Variants in LRP1 observed in about 807,000 individuals in gnomAD.
The protein encoded by LRP1 is prolow-density lipoprotein receptor-related protein 1.
A neutral mutation model predicts 541.5 loss-of-function variants in LRP1; 51 were observed. That is an observed-to-expected ratio of 0.09 (90% CI 0.08 to 0.12). The LOEUF (loss-of-function observed/expected upper bound fraction) is 0.12. LRP1 is among the 10% of genes least tolerant of loss of function. The pLI, the probability that LRP1 is intolerant of heterozygous loss-of-function variation, is 1.00. For missense variants in LRP1, 3,878 were observed against 6,376.2 expected (o/e 0.61, Z 13.34); for synonymous variants, 2,219 against 2,470.8 (o/e 0.90, Z 3.02).
rs200554758 is a variant in LRP1, at chr12:57,162,454, C to T, written c.2340C>T (p.Thr780=). ...RGVGGAPPTV[T]LLRSERPPIF... ...TAGGAGGCGCACCCCCCACTGTGAC[C>T]CTTCTGCGCAGTGAGCGGCCCCCCA... Residue 780 remains threonine, a synonymous_variant, in exon 14 of 89, where the codon ACC becomes ACT. Coordinates refer to ENST00000243077, the MANE Select transcript of LRP1 (RefSeq NM_002332.3). The surrounding 1 kb of genome is among the most constrained non-coding windows in gnomAD (Gnocchi z 5.2). 1 of 1,614,104 alleles carries T rather than the reference C, an allele frequency of 6.2e-7. No individual in the cohort carries two copies. Among genetic ancestry groups the T allele is most frequent in the East Asian group, 2.2e-5 (1 of 44,862 alleles).
At chr12:57,138,762 C>A (rs1431691889) in intron 2 of LRP1, among the ~76,000 whole-genome samples, 181 bp downstream of exon 2, 1 of 152,194 alleles carries the variant, frequency 6.6e-6, no homozygotes, top group Non-Finnish European at 1.5e-5. Context: ...GGCATGGTGC[C>A]TGTTGGGCTT....
At position 57,180,718 on chromosome 12, in the gene LRP1, G is replaced by C. The variant is rs754167359; in HGVS notation, c.5438G>C (p.Ser1813Thr). 2 of 1,613,984 alleles carry C rather than the reference G, an allele frequency of 1.2e-6. No homozygotes were observed. The highest frequency in any genetic ancestry group is 2.7e-5 in the African/African-American group (2 of 74,952). Residue 1813 changes from serine (S) to threonine (T), a missense_variant, in exon 33 of 89, where the codon AGC (serine) becomes ACC (threonine). Around this residue, in one of 13 missense-constraint regions of LRP1, gnomAD observed 394 missense variants for 635.9 expected, o/e 0.62. Coordinates refer to ENST00000243077, the MANE Select transcript of LRP1 (RefSeq NM_002332.3). ...DQVSEKMGTC[S>T]KADGSGSVVL... is the part of the protein sequence containing the mutation. Reference sequence around the variant, plus strand: ...GTGTCGGAAAAGATGGGCACATGCAGCAAGGCTGACGGCTCGGGCTCCGTG... The same window carrying C: ...GTGTCGGAAAAGATGGGCACATGCACCAAGGCTGACGGCTCGGGCTCCGTG...
intron 46 of LRP1, 51 bp downstream of exon 46, chr12:57,193,355 C>G (rs1248696332): frequency 6.3e-7 from 1 of 1,599,112 alleles, no homozygotes; most frequent in Non-Finnish European, 8.5e-7. Context: ...AGCCCAGGTC[C>G]TCCTCCCCCA....
chr12:57,180,620 T>C, intron 32 of LRP1, 47 bp from the exon 33 acceptor site: 2 of 1,612,012 alleles, frequency 1.2e-6, no homozygotes, highest in African/African-American at 1.3e-5. Flanking sequence ...TCAGGAGAGC[T>C]GGGTGTGGGG....
chr12:57,180,538 G>A, intron 32 of LRP1, 59 bp downstream of exon 32: 1 of 1,608,714 alleles, frequency 6.2e-7, no homozygotes, highest in Non-Finnish European at 8.5e-7. Flanking sequence ...GACCTACTGG[G>A]AGACAGGGGC....
At chr12:57,136,499 G>A (rs2035173262) in intron 1 of LRP1, among the ~76,000 whole-genome samples, 1 of 151,926 alleles carries the variant, frequency 6.6e-6, no homozygotes, top group South Asian at 2.1e-4. Flanking sequence ...GCAGGGCAGA[G>A]GGTCATCTCA....
Position 57,185,591 on chromosome 12 carries a change from G to A in LRP1, c.6524G>A (p.Arg2175His), listed in dbSNP as rs778549302. 4.8e-5 allele frequency: 77 copies of A among 1,606,060 alleles called. No homozygotes were observed. Among genetic ancestry groups the A allele is most frequent in the Admixed American group, 6.7e-5 (4 of 59,890 alleles). The change falls in exon 41 of 89, where the codon CGT (arginine) becomes CAT (histidine). Residue 2175 changes from arginine to histidine, a missense_variant. Arg to His is a conservative substitution (Grantham distance 29, BLOSUM62 0). Coordinates refer to ENST00000243077, the MANE Select transcript of LRP1 (RefSeq NM_002332.3). The surrounding 1 kb of genome is among the most constrained non-coding windows in gnomAD (Gnocchi z 4.9). ...GCQQLCLYRG[R>H]GQRACACAHG... ...CAGCAGCTGTGCCTGTACCGGGGCCGTGGGCAGCGGGCCTGCGCCTGTGCC... is the reference window on the plus strand; with the variant it reads ...CAGCAGCTGTGCCTGTACCGGGGCCATGGGCAGCGGGCCTGCGCCTGTGCC...
Position 57,204,233 on chromosome 12 carries a change from TA to T in LRP1, c.10952-174del. 1 of 694,362 alleles carries T rather than the reference TA, an allele frequency of 1.4e-6. No individual in the cohort carries two copies. The highest frequency in any genetic ancestry group is 2.2e-6 in the Non-Finnish European group (1 of 446,552). 43.0% of individuals were successfully genotyped at this position (694,362 alleles called of 1,614,324 possible). A position where few individuals can be genotyped will look rare whatever the true frequency, so the allele number is the denominator to read the frequency against. Reference sequence around the variant, plus strand: ...CCCTGAAAAATGGCCTCTTCTCCCCTAAATACCAGAGGGGGCAGTTTGGCCC... The same window carrying T: ...CCCTGAAAAATGGCCTCTTCTCCCCTAATACCAGAGGGGGCAGTTTGGCCC... On this transcript the variant is annotated intron_variant, in intron 70 of 88. Transcript: ENST00000243077. The surrounding 1 kb of genome is among the most constrained non-coding windows in gnomAD (Gnocchi z 5.3).
Position 57,197,164 on chromosome 12 carries a change from T to C in LRP1, c.9075T>C (p.Thr3025=), listed in dbSNP as rs1312501646. The change falls in exon 56 of 89, where the codon ACT becomes ACC. Residue 3025 remains threonine, a splice_region_variant and synonymous_variant. Transcript: ENST00000243077. The surrounding 1 kb of genome is among the most constrained non-coding windows in gnomAD (Gnocchi z 4.5). ...GGDPHSCKAV[T]DEEPFLIFAN... is the part of the protein sequence containing the mutation. ...ACCCCCACAGCTGCAAGGCTGTGAC[T>C]GGTGAGATGCGCGCTTGGAGGGCAT... 6.2e-7 allele frequency: 1 copy of C among 1,613,910 alleles called. No individual in the cohort carries two copies. Among genetic ancestry groups the C allele is most frequent in the Admixed American group, 1.7e-5 (1 of 60,014 alleles).
At chr12:57,151,214 T>C (rs1455218674) in intron 6 of LRP1, among the ~76,000 whole-genome samples, 1 of 152,028 alleles carries the variant, frequency 6.6e-6, no homozygotes, top group Non-Finnish European at 1.5e-5. Flanking sequence ...ATGGAGAAGT[T>C]GAGAAAAGCT....
At position 57,154,625 on chromosome 12, in the gene LRP1, C is replaced by T; in HGVS notation, c.1151C>T (p.Ala384Val). ...LDLVSRLVYW[A>V]DAYLDYIEVV... ...CTGGTCAGCCGCCTTGTCTACTGGGCAGATGCCTATCTGGACTATATTGAA... is the reference window on the plus strand; with the variant it reads ...CTGGTCAGCCGCCTTGTCTACTGGGTAGATGCCTATCTGGACTATATTGAA... The change falls in exon 8 of 89, where the codon GCA becomes GTA. Residue 384 changes from alanine to valine, a missense_variant. Physicochemically the swap from Ala to Val is moderately conservative, Grantham distance 64. This residue lies in a region of LRP1 where 496 missense variants were observed against 861.0 expected (regional missense o/e 0.58). Transcript: ENST00000243077. The surrounding 1 kb of genome is among the most constrained non-coding windows in gnomAD (Gnocchi z 4.6). The T allele has an allele frequency of 6.2e-7, 1 of 1,605,846 alleles. No homozygotes were observed. Among genetic ancestry groups the T allele is most frequent in the South Asian group, 1.1e-5 (1 of 89,806 alleles).
Position 57,173,979 on chromosome 12 carries a change from C to T in LRP1, c.3546C>T (p.Cys1182=), listed in dbSNP as rs1800194. ...ACGGCTCAGATGAGGGCGAGCTCTGCGGTGAGGCCTGGTCCCAGGAGAAGG... is the reference window on the plus strand; with the variant it reads ...ACGGCTCAGATGAGGGCGAGCTCTGTGGTGAGGCCTGGTCCCAGGAGAAGG... The part of the protein sequence containing the change: ...CGDGSDEGEL[C]DQCSLNNGGC... Residue 1182 remains cysteine (C), a splice_region_variant and synonymous_variant, in exon 22 of 89, where the codon TGC becomes TGT. Transcript: ENST00000243077. The surrounding 1 kb of genome is among the most constrained non-coding windows in gnomAD (Gnocchi z 4.7). 0.33 allele frequency: 525,593 copies of T among 1,613,108 alleles called. 89,197 individuals are homozygous for T. Among genetic ancestry groups the T allele is most frequent in the African/African-American group, 0.49 (36,350 of 74,932 alleles).
chr12:57,197,681 T>A lies in LRP1; in HGVS notation c.9282+17T>A, dbSNP rs904813248. The stretch of plus-strand genomic sequence containing the variant: ...AATGTGCAGGTGAGGCGGGCGGCCC[T>A]CGGCGACCAACACTGGCCCGCCTCA... On this transcript the variant is annotated intron_variant, in intron 58 of 88. Coordinates refer to ENST00000243077, the MANE Select transcript of LRP1 (RefSeq NM_002332.3). The surrounding 1 kb of genome is among the most constrained non-coding windows in gnomAD (Gnocchi z 4.5). 1 of 1,609,994 alleles carries A rather than the reference T, an allele frequency of 6.2e-7. No homozygotes were observed. The highest frequency in any genetic ancestry group is 8.5e-7 in the Non-Finnish European group (1 of 1,178,830).
At position 57,211,909 on chromosome 12, in the gene LRP1, C is replaced by T; in HGVS notation, c.13259-18C>T. On this transcript the variant is annotated intron_variant, in intron 86 of 88. Coordinates refer to ENST00000243077, the MANE Select transcript of LRP1 (RefSeq NM_002332.3). The surrounding 1 kb of genome is among the most constrained non-coding windows in gnomAD (Gnocchi z 4.3). ...TCCCTGAGCCTTGGTGACTCAGTGT[C>T]CCACCTCTTCCCTCCAGATATAGCC... 6.2e-7 allele frequency: 1 copy of T among 1,613,628 alleles called. No homozygotes were observed. The highest frequency in any genetic ancestry group is 8.5e-7 in the Non-Finnish European group (1 of 1,179,622).
chr12:57,136,331 G>C (rs966696720), intron 1 of LRP1, among the ~76,000 whole-genome samples: 4 of 152,006 alleles, frequency 2.6e-5, no homozygotes, highest in African/African-American at 9.7e-5. Flanking sequence ...TCCCCTGCCA[G>C]CGGTGGGGGT....
chr12:57,201,389 AG>A lies in LRP1; in HGVS notation c.10346-107del. 1 of 1,490,414 alleles carries A rather than the reference AG, an allele frequency of 6.7e-7. No homozygotes were observed. The highest frequency in any genetic ancestry group is 1.4e-5 in the African/African-American group (1 of 71,566). The allele number at this position is 1,490,414 out of a possible 1,614,324, so 92.3% of individuals were successfully genotyped here. ...GATAAACTGTTCCTTCCTCCGAAGA[AG>A]TTGCTGGCAGGACCAAGGCCAGGGC... is the stretch of plus-strand genomic sequence containing the variant. On this transcript the variant is annotated intron_variant, in intron 65 of 88. Coordinates refer to ENST00000243077, the MANE Select transcript of LRP1 (RefSeq NM_002332.3). This position sits in a 1 kb window ranked among gnomAD's most constrained non-coding sequence, Gnocchi z 6.4.
At chr12:57,196,033 C>T (rs1437422853) in intron 54 of LRP1, 30 bp downstream of exon 54, 1 of 1,611,630 alleles carries the variant, frequency 6.2e-7, no homozygotes, top group East Asian at 2.2e-5. Flanking sequence ...CCCCTCTGCC[C>T]CCTCCCCAGA....
At chr12:57,142,152 A>G (rs549140779) in intron 3 of LRP1, among the ~76,000 whole-genome samples, 1 of 151,846 alleles carries the variant, frequency 6.6e-6, no homozygotes, top group African/African-American at 2.4e-5. Flanking sequence ...CTTTCCCCCA[A>G]AGGGCCCTGT....
chr12:57,180,932 G>A (rs1278015327), intron 33 of LRP1, 125 bp downstream of exon 33: 1 of 1,371,012 alleles, frequency 7.3e-7, no homozygotes, highest in Non-Finnish European at 1.0e-6. Flanking sequence ...ACCCAAAGGG[G>A]CTCCTTGTTT....
Sources: allele counts gnomAD v4.1 joint callset (sites outside exome capture counted in the v4.1 genomes callset), GRCh38; gene constraint gnomAD v4.1.1; regional missense constraint gnomAD v4.1.1; non-coding constraint Gnocchi (gnomAD v3.1); transcripts MANE v1.5; gene names NCBI Gene and HGNC (gene_info 2026-07-23, HGNC 2026-07-21).